The following TENM4 variants were observed in gnomAD, a reference collection of about 807,000 sequenced individuals.
TENM4 encodes teneurin transmembrane protein 4, also known as teneurin-4.
A neutral mutation model predicts 243.3 loss-of-function variants in TENM4; 82 were observed. The observed-to-expected ratio is 0.34, with a 90% CI of 0.28 to 0.40. The LOEUF is 0.40. Ranked by LOEUF, TENM4 falls within the 10% of genes least tolerant of loss-of-function variation. The pLI is 1.00. For synonymous variants in TENM4, 1,412 were observed against 1,456.3 expected (o/e 0.97, Z 0.69); for missense variants, 3,138 against 3,673.3 (o/e 0.85, Z 3.77).
At chr11:78,904,890 A>G (rs1240702347) in intron 6 of TENM4, among the ~76,000 whole-genome samples, 1 of 152,214 alleles carries the variant, frequency 6.6e-6, no homozygotes, top group Non-Finnish European at 1.5e-5. Flanking sequence ...TTCACCATCC[A>G]TCTAAGCTAT....
At chr11:79,091,676 C>T (rs1481145841) in intron 4 of TENM4, among the ~76,000 whole-genome samples, 1 of 152,116 alleles carries the variant, frequency 6.6e-6, no homozygotes, top group Non-Finnish European at 1.5e-5. Flanking sequence ...GCAATTAGAT[C>T]CCCAGGTGAC....
intron 6 of TENM4, among the ~76,000 whole-genome samples, chr11:78,931,907 C>T (rs569248313): frequency 6.6e-6 from 1 of 152,312 alleles, no homozygotes; most frequent in East Asian, 1.9e-4. Context: ...GCAGGAGGCT[C>T]ACTTGAGCCT....
chr11:78,954,228 G>T (rs1857163709), intron 6 of TENM4, among the ~76,000 whole-genome samples: 1 of 152,184 alleles, frequency 6.6e-6, no homozygotes, highest in Non-Finnish European at 1.5e-5. Flanking sequence ...GGGGAAGGGT[G>T]GGAACAGATG....
intron 2 of TENM4, among the ~76,000 whole-genome samples, chr11:79,286,073 TG>T (rs374091919): frequency 6.6e-5 from 10 of 152,280 alleles, no homozygotes; most frequent in African/African-American, 2.4e-4. Context: ...AGAAAACGTA[TG>T]CAAGAAAGAG....
At chr11:79,338,649 A>G (rs187327106) in intron 1 of TENM4, among the ~76,000 whole-genome samples, 3 of 152,308 alleles carry the variant, frequency 2.0e-5, no homozygotes, top group East Asian at 1.9e-4. Context: ...TATCCTAAAT[A>G]GAGTATGGAA....
At chr11:79,216,217 T>A (rs1272444251) in intron 2 of TENM4, among the ~76,000 whole-genome samples, 1 of 152,114 alleles carries the variant, frequency 6.6e-6, no homozygotes, top group East Asian at 1.9e-4. Flanking sequence ...TTTCCTTGAG[T>A]GAACTGAAGC....
chr11:79,128,075 G>A (rs553044414), intron 4 of TENM4, among the ~76,000 whole-genome samples: 1 of 152,338 alleles, frequency 6.6e-6, no homozygotes, highest in Admixed American at 6.5e-5. Flanking sequence ...CCAGGCTGCT[G>A]TGCAAGCTGG....
At chr11:78,990,917 G>T (rs1325455980) in intron 6 of TENM4, among the ~76,000 whole-genome samples, 4 of 152,138 alleles carry the variant, frequency 2.6e-5, no homozygotes, top group Admixed American at 2.6e-4. Context: ...TTAGAAAAAG[G>T]ATATTAAAAA....
chr11:79,109,998 T>C (rs992152556), intron 4 of TENM4, among the ~76,000 whole-genome samples: 15 of 152,246 alleles, frequency 9.9e-5, no homozygotes, highest in Admixed American at 1.3e-4. Flanking sequence ...ATCCACCTTC[T>C]TCCATGGTCT....
intron 6 of TENM4, among the ~76,000 whole-genome samples, chr11:79,044,186 T>G (rs545355565): frequency 3.3e-5 from 5 of 152,228 alleles, no homozygotes; most frequent in Middle Eastern, 3.2e-3. Context: ...TCCTTAAATC[T>G]TTCAACACGT....
intron 4 of TENM4, among the ~76,000 whole-genome samples, chr11:79,098,666 C>T (rs2137072269): frequency 6.6e-6 from 1 of 152,292 alleles, no homozygotes; most frequent in East Asian, 1.9e-4. Flanking sequence ...ACATCCAAAC[C>T]CATCTCTCCC....
intron 23 of TENM4, among the ~76,000 whole-genome samples, chr11:78,725,296 T>G (rs1324667299): frequency 1.3e-5 from 2 of 152,346 alleles, no homozygotes; most frequent in East Asian, 3.9e-4. Context: ...CAATTCCCCC[T>G]GAAAACATGC....
At chr11:79,189,893 G>C (rs1863446362) in intron 3 of TENM4, among the ~76,000 whole-genome samples, 1 of 152,208 alleles carries the variant, frequency 6.6e-6, no homozygotes, top group Admixed American at 6.5e-5. Flanking sequence ...TCAGATCACA[G>C]AGCACTCTGG....
chr11:79,088,739 G>A (rs895566604), intron 4 of TENM4, among the ~76,000 whole-genome samples: 2 of 152,162 alleles, frequency 1.3e-5, no homozygotes, highest in Admixed American at 1.3e-4. Context: ...GCATTAAGAC[G>A]AATGTTCCTG....
chr11:78,917,824 G>A (rs1298650658), intron 6 of TENM4, among the ~76,000 whole-genome samples: 2 of 152,118 alleles, frequency 1.3e-5, no homozygotes, highest in African/African-American at 4.8e-5. Context: ...TTGAATCCTG[G>A]CTCTACTATT....
At chr11:78,705,009 G>GGCCGCT (rs1343338474) in intron 27 of TENM4, among the ~76,000 whole-genome samples, 1 of 152,216 alleles carries the variant, frequency 6.6e-6, no homozygotes, top group African/African-American at 2.4e-5. Flanking sequence ...AACTCGCCAG[G>GGCCGCT]GCCGCTGCCG....
intron 1 of TENM4, among the ~76,000 whole-genome samples, chr11:79,306,328 G>T (rs1856625416): frequency 6.6e-6 from 1 of 152,172 alleles, no homozygotes; most frequent in Non-Finnish European, 1.5e-5. Context: ...CAGGGCCAGG[G>T]ATCCTCCTTG....
At chr11:79,011,063 C>T (rs1477264625) in intron 6 of TENM4, among the ~76,000 whole-genome samples, 1 of 152,162 alleles carries the variant, frequency 6.6e-6, no homozygotes, top group Admixed American at 6.5e-5. Flanking sequence ...AGGTGTGTTC[C>T]CTTCTCTAGT....
intron 4 of TENM4, among the ~76,000 whole-genome samples, chr11:79,110,123 C>T (rs181007500): frequency 4.6e-5 from 7 of 152,332 alleles, no homozygotes; most frequent in Admixed American, 3.3e-4. Context: ...CAATACCCTC[C>T]TCCCTCTCTG....
Sources: gnomAD v4.1 joint callset for allele counts (sites outside exome capture counted in the v4.1 genomes callset) on GRCh38, gnomAD v4.1.1 for gene constraint, MANE v1.5 for transcripts, NCBI Gene and HGNC (gene_info 2026-07-23, HGNC 2026-07-21) for gene names.